KIZ: variants seen among roughly 807,000 people sequenced by gnomAD.
The protein encoded by KIZ is centrosomal protein kizuna.
A neutral mutation model predicts 79.6 loss-of-function variants in KIZ; 68 were observed. That is an observed-to-expected ratio of 0.85 (90% confidence interval 0.70 to 1.05). KIZ has a LOEUF of 1.05. KIZ is among the 50% of genes least tolerant of loss of function. KIZ has a pLI of 0.00. For missense variants in KIZ, 797 were observed against 800.4 expected, an observed-to-expected ratio of 1.00 and a Z score of 0.05; for synonymous variants, 280 against 281.8, an observed-to-expected ratio of 0.99 and a Z score of 0.06.
intron 4 of KIZ, chr20:21,151,893 G>A (rs958642430): frequency 1.3e-5 from 2 of 152,164 alleles, no homozygotes; most frequent in Admixed American, 6.5e-5. Flanking sequence ...ATTATTTGTA[G>A]CAGCAAAAAC....
Position 21,131,977 on chromosome 20 carries a change from C to CT in KIZ, c.90-113dup, listed in dbSNP as rs113443636. 3,210 of 593,528 alleles carry CT rather than the reference C, an allele frequency of 5.4e-3. 81 individuals are homozygous for CT. The African/African-American group carries it at 0.055, about 10-fold the overall frequency. 36.8% of individuals were successfully genotyped at this position (593,528 alleles called of 1,614,324 possible). ...ACAAAGGTGTGATTTGGTATTTGGGCTTTTTTTGACCTCTAATCAACACCT... is the reference window on the plus strand; with the variant it reads ...ACAAAGGTGTGATTTGGTATTTGGGCTTTTTTTTGACCTCTAATCAACACCT... On this transcript the variant is annotated intron_variant, in intron 1 of 12. Coordinates refer to ENST00000619189, the MANE Select transcript of KIZ (RefSeq NM_018474.6).
chr20:21,170,723 AT>A (rs1211292835), intron 6 of KIZ, among the ~76,000 whole-genome samples: 3 of 152,016 alleles, frequency 2.0e-5, no homozygotes, highest in African/African-American at 7.2e-5. Context: ...TTTCTAACTT[AT>A]CTTTTTGTAT....
At chr20:21,136,092 A>G (rs1461732644) in intron 2 of KIZ, among the ~76,000 whole-genome samples, 1 of 152,196 alleles carries the variant, frequency 6.6e-6, no homozygotes, top group East Asian at 1.9e-4. Flanking sequence ...TTGAAATCAC[A>G]TTTAATTTTG....
chr20:21,182,027 C>T (rs1480110853), intron 6 of KIZ, among the ~76,000 whole-genome samples: 1 of 152,192 alleles, frequency 6.6e-6, no homozygotes, highest in East Asian at 1.9e-4. Flanking sequence ...TTGACCTCTT[C>T]CTACAGCCAG....
At chr20:21,231,363 T>C (rs2036827064) in intron 10 of KIZ, among the ~76,000 whole-genome samples, 1 of 152,138 alleles carries the variant, frequency 6.6e-6, no homozygotes, top group South Asian at 2.1e-4. Flanking sequence ...ATTTGACATA[T>C]AAGTTCTAGT....
At chr20:21,130,738 T>C (rs1459922539) in intron 1 of KIZ, among the ~76,000 whole-genome samples, 1 of 152,218 alleles carries the variant, frequency 6.6e-6, no homozygotes, top group Non-Finnish European at 1.5e-5. Flanking sequence ...ATTAAATGAA[T>C]TTTGGTTAAA....
chr20:21,212,985 G>T (rs1320078794), intron 7 of KIZ, among the ~76,000 whole-genome samples: 1 of 152,196 alleles, frequency 6.6e-6, no homozygotes. Context: ...TAGAGGAAAA[G>T]CCCCTGGTCA....
chr20:21,205,399 C>T (rs2035776044), intron 6 of KIZ, 92 bp from the exon 7 acceptor site: 2 of 555,744 alleles, frequency 3.6e-6, no homozygotes, highest in African/African-American at 2.0e-5. Context: ...TCTGGATAAA[C>T]CATCTTCTAC....
chr20:21,188,680 A>AT (rs370991786), intron 6 of KIZ, among the ~76,000 whole-genome samples: 2,117 of 145,460 alleles, frequency 0.015, 48 homozygotes, highest in African/African-American at 0.05. Context: ...ATTTTATTTT[A>AT]TTTATTTATT....
intron 3 of KIZ, among the ~76,000 whole-genome samples, chr20:21,141,116 T>G (rs2032500543): frequency 6.6e-6 from 1 of 152,136 alleles, no homozygotes; most frequent in South Asian, 2.1e-4. Flanking sequence ...GCCCCCCTAC[T>G]CCCTGTATTA....
At chr20:21,220,294 C>T (rs1177866835) in intron 9 of KIZ, among the ~76,000 whole-genome samples, 1 of 151,832 alleles carries the variant, frequency 6.6e-6, no homozygotes, top group Non-Finnish European at 1.5e-5. Context: ...CTAACCTTTA[C>T]AACAGTCCTA....
At chr20:21,207,298 G>C (rs569677432) in intron 7 of KIZ, among the ~76,000 whole-genome samples, 1 of 152,228 alleles carries the variant, frequency 6.6e-6, no homozygotes, top group South Asian at 2.1e-4. Context: ...CTAATTAAGA[G>C]AGTAGCAGGA....
At chr20:21,202,700 G>T (rs974669030) in intron 6 of KIZ, among the ~76,000 whole-genome samples, 1 of 152,114 alleles carries the variant, frequency 6.6e-6, no homozygotes, top group Admixed American at 6.6e-5. Context: ...GAATCATAGG[G>T]TGGACATCCA....
intron 6 of KIZ, among the ~76,000 whole-genome samples, chr20:21,174,570 A>G (rs1568945867): frequency 6.6e-6 from 1 of 152,228 alleles, no homozygotes; most frequent in Non-Finnish European, 1.5e-5. Flanking sequence ...TACTCCGTCC[A>G]TATTGATTTT....
At chr20:21,225,942 A>T (rs2036640447) in intron 9 of KIZ, among the ~76,000 whole-genome samples, 1 of 152,222 alleles carries the variant, frequency 6.6e-6, no homozygotes, top group African/African-American at 2.4e-5. Context: ...CCTGGGTAAC[A>T]TGTTCCAACA....
chr20:21,237,826 G>A (rs772629264), intron 11 of KIZ, among the ~76,000 whole-genome samples: 3 of 151,934 alleles, frequency 2.0e-5, no homozygotes, highest in African/African-American at 7.3e-5. Flanking sequence ...GGCAGGCTTC[G>A]TTTCATTTAT....
chr20:21,228,368 T>C (rs1486980461), intron 9 of KIZ, among the ~76,000 whole-genome samples: 3 of 152,230 alleles, frequency 2.0e-5, no homozygotes, highest in Admixed American at 6.5e-5. Flanking sequence ...ATTTCACTTA[T>C]AGCAGATGCC....
intron 3 of KIZ, among the ~76,000 whole-genome samples, chr20:21,145,301 A>G (rs895625062): frequency 6.6e-5 from 10 of 152,096 alleles, no homozygotes; most frequent in Non-Finnish European, 1.5e-4. Context: ...GTGTATATAT[A>G]TAAAGATTTT....
chr20:21,144,641 C>G (rs372655692), intron 3 of KIZ, among the ~76,000 whole-genome samples: 2 of 105,828 alleles, frequency 1.9e-5, no homozygotes, highest in Non-Finnish European at 4.4e-5. Flanking sequence ...CATATATTAC[C>G]TTTCAAAATA....
Sources: gnomAD v4.1 joint callset for allele counts (sites outside exome capture counted in the v4.1 genomes callset) on GRCh38, gnomAD v4.1.1 for gene constraint, MANE v1.5 for transcripts, NCBI Gene and HGNC (gene_info 2026-07-23, HGNC 2026-07-21) for gene names.